PCF11: variants seen among roughly 807,000 people sequenced by gnomAD.
PCF11 encodes the protein pre-mRNA cleavage complex 2 protein Pcf11.
In PCF11, 19 loss-of-function variants were observed where a neutral mutation model predicts 166.1. The ratio of observed to expected loss-of-function variants is 0.11; its 90% CI spans 0.08 to 0.17. The LOEUF is 0.17. Ranked by LOEUF, PCF11 falls within the 10% of genes least tolerant of loss-of-function variation. The pLI, the probability that PCF11 is intolerant of heterozygous loss-of-function variation, is 1.00. For synonymous variants in PCF11, 663 were observed against 644.1 expected (o/e 1.03, Z -0.44); for missense variants, 1,565 against 1,855.5 (o/e 0.84, Z 2.88).
At chr11:83,157,167 A>T in exon 1 of PCF11, 1 of 573,672 alleles carries the variant, frequency 1.7e-6, no homozygotes, top group Non-Finnish European at 3.1e-6. Flanking sequence ...ACATTTTCGG[A>T]GCTGGAGCCG....
chr11:83,171,751 T>C (rs765034297), intron 8 of PCF11, 67 bp from the exon 9 acceptor site: 10 of 822,600 alleles, frequency 1.2e-5, no homozygotes, highest in Non-Finnish European at 1.9e-5. Context: ...TTTTATGTAA[T>C]TAGGATGTTA....
intron 15 of PCF11, 195 bp from the exon 16 acceptor site, chr11:83,184,484 G>A (rs1861201398): frequency 3.6e-6 from 2 of 555,036 alleles, no homozygotes; most frequent in Admixed American, 3.6e-5. Flanking sequence ...TCACTGCTGA[G>A]TACATATTGA....
At chr11:83,163,559 A>G (rs79883087) in intron 2 of PCF11, 120 bp from the exon 3 acceptor site, 12,806 of 396,832 alleles carry the variant, frequency 0.032, 1,440 homozygotes, top group African/African-American at 0.24. Flanking sequence ...TGTTGTATAT[A>G]CTTACCAATG....
intron 10 of PCF11, among the ~76,000 whole-genome samples, 198 bp downstream of exon 10, chr11:83,177,402 T>G (rs1416843799): frequency 6.6e-6 from 1 of 152,238 alleles, no homozygotes; most frequent in Non-Finnish European, 1.5e-5. Flanking sequence ...AGTGGACATG[T>G]GTTTCAGTTA....
At chr11:83,175,087 A>G (rs1483544422) in intron 9 of PCF11, among the ~76,000 whole-genome samples, 1 of 152,190 alleles carries the variant, frequency 6.6e-6, no homozygotes, top group Non-Finnish European at 1.5e-5. Flanking sequence ...ACTTTTCTGT[A>G]TAGGTGTAGT....
chr11:83,174,356 C>A (rs530029439), intron 9 of PCF11, among the ~76,000 whole-genome samples: 1 of 150,872 alleles, frequency 6.6e-6, no homozygotes, highest in Non-Finnish European at 1.5e-5. Flanking sequence ...TAAGGTTCAT[C>A]CTTCAAAGAC....
exon 5 of PCF11, chr11:83,165,915 T>A (rs1250518886): frequency 1.2e-6 from 2 of 1,608,040 alleles, no homozygotes; most frequent in African/African-American, 2.7e-5. Flanking sequence ...AAAACTAAAT[T>A]CATCCAAGCA....
intron 9 of PCF11, among the ~76,000 whole-genome samples, chr11:83,173,462 A>T (rs1000937260): frequency 1.3e-5 from 2 of 151,472 alleles, no homozygotes; most frequent in African/African-American, 2.4e-5. Flanking sequence ...TCAGAAAAAA[A>T]ACCAAAAACC....
exon 8 of PCF11, chr11:83,168,856 G>T: frequency 6.2e-7 from 1 of 1,613,350 alleles, no homozygotes; most frequent in Non-Finnish European, 8.5e-7. Flanking sequence ...AATTGGTCAA[G>T]CAGGAGGAGG....
chr11:83,176,605 A>T lies in PCF11; in HGVS notation c.3758-480A>T, dbSNP rs184889750. 9.8e-3 allele frequency among the ~76,000 whole-genome samples: 1,475 copies of T among 151,056 alleles called. 10 individuals carry two copies. Among genetic ancestry groups the T allele is most frequent in the Non-Finnish European group, 0.015 (1,000 of 67,864 alleles). ...ACAAGGGCAGAAAAACAAACACCGCATGTTCTCACTTGTAGGTAGGAATTG... is the reference window on the plus strand; with the variant it reads ...ACAAGGGCAGAAAAACAAACACCGCTTGTTCTCACTTGTAGGTAGGAATTG... On this transcript the variant is annotated intron_variant, in intron 9 of 15. Coordinates refer to ENST00000298281, the Ensembl canonical transcript of PCF11.
intron 1 of PCF11, among the ~76,000 whole-genome samples, chr11:83,159,658 A>G (rs1386846790): frequency 6.6e-6 from 1 of 152,164 alleles, no homozygotes; most frequent in African/African-American, 2.4e-5. Context: ...AAAGATGTAA[A>G]AGTCACTTTG....
At chr11:83,181,149 T>C in exon 12 of PCF11, 1 of 1,611,684 alleles carries the variant, frequency 6.2e-7, no homozygotes, top group Non-Finnish European at 8.5e-7. Context: ...AAAAGGATGT[T>C]AGCCGAAAAG....
chr11:83,157,927 G>T lies in PCF11; in HGVS notation c.192+296G>T, dbSNP rs576164176. 6 of 364,842 alleles carry T rather than the reference G, an allele frequency of 1.6e-5. No homozygotes were observed. In the East Asian group the frequency reaches 2.7e-4, roughly 17 times the overall value. The allele number at this position is 364,842 out of a possible 1,614,324, so 22.6% of individuals were successfully genotyped here. A position where few individuals can be genotyped will look rare whatever the true frequency, so the allele number is the denominator to read the frequency against. On this transcript the variant is annotated intron_variant, in intron 1 of 15. Coordinates refer to ENST00000298281, the Ensembl canonical transcript of PCF11. ...CTTTGAATAGAGCCCTTTGGGGTGG[G>T]GGAGACTTAAAGGCAGTTTGTGGTT...
exon 2 of PCF11, chr11:83,161,374 T>C (rs375748507): frequency 1.2e-6 from 2 of 1,605,532 alleles, no homozygotes; most frequent in Non-Finnish European, 1.7e-6. Context: ...TGGATTCTAT[T>C]GTGAAAAACG....
intron 9 of PCF11, among the ~76,000 whole-genome samples, chr11:83,176,513 A>G (rs1044097771): frequency 5.9e-5 from 9 of 152,244 alleles, no homozygotes; most frequent in Non-Finnish European, 1.2e-4. Flanking sequence ...GCCATAAAAA[A>G]GGATGAGTTC....
intron 15 of PCF11, among the ~76,000 whole-genome samples, chr11:83,183,539 G>A (rs1861155175): frequency 6.6e-6 from 1 of 152,006 alleles, no homozygotes; most frequent in African/African-American, 2.4e-5. Context: ...TGCCCAGGCT[G>A]GAGTGCAATG....
At chr11:83,174,472 G>T (rs1860807359) in intron 9 of PCF11, among the ~76,000 whole-genome samples, 1 of 150,360 alleles carries the variant, frequency 6.7e-6, no homozygotes, top group African/African-American at 2.5e-5. Flanking sequence ...TCCCACCTCG[G>T]CCTCCCAAAG....
exon 1 of PCF11, chr11:83,157,246 C>T (rs1047336411): frequency 5.0e-6 from 3 of 596,282 alleles, no homozygotes; most frequent in African/African-American, 3.7e-5. Context: ...GGACGGAGAT[C>T]ACCCGCGAGA....
intron 13 of PCF11, 140 bp downstream of exon 13, chr11:83,182,149 T>C: frequency 1.3e-6 from 1 of 775,214 alleles, no homozygotes; most frequent in East Asian, 2.9e-5. Flanking sequence ...TCTTCAATTT[T>C]ACTCTTACAA....
Sources: gnomAD v4.1 joint callset for allele counts (sites outside exome capture counted in the v4.1 genomes callset) on GRCh38, gnomAD v4.1.1 for gene constraint, MANE v1.5 for transcripts, NCBI Gene and HGNC (gene_info 2026-07-23, HGNC 2026-07-21) for gene names.